The following SLC44A5 variants were observed in gnomAD, a reference collection of about 807,000 sequenced individuals.
SLC44A5 encodes choline transporter-like protein 5.
A neutral mutation model predicts 101.8 loss-of-function variants in SLC44A5; 57 were observed. That is an observed-to-expected ratio of 0.56 (90% CI 0.45 to 0.70). SLC44A5 has a LOEUF of 0.70. Ranked by LOEUF, SLC44A5 falls within the 30% of genes least tolerant of loss-of-function variation. SLC44A5 has a pLI of 0.00. For synonymous variants in SLC44A5, 281 were observed against 290.9 expected, an observed-to-expected ratio of 0.97 and a Z score of 0.35; for missense variants, 737 against 853.1, an observed-to-expected ratio of 0.86 and a Z score of 1.70.
intron 10 of SLC44A5, 94 bp downstream of exon 10, chr1:75,238,416 GATT>G (rs1178358249): frequency 3.0e-6 from 1 of 331,082 alleles, no homozygotes; most frequent in Non-Finnish European, 4.8e-6. Context: ...ATATATATGT[GATT>G]ATTTTCCTAT....
At chr1:75,712,039 A>T in the SLC44A5 span, among the ~76,000 whole-genome samples, 2 of 152,300 alleles carry the variant, frequency 1.3e-5, no homozygotes, top group Admixed American at 6.5e-5. Context: ...GGCATTTACT[A>T]AGCACAGTGT....
intron 4 of SLC44A5, among the ~76,000 whole-genome samples, chr1:75,337,960 C>A (rs1657574377): frequency 6.6e-6 from 1 of 152,198 alleles, no homozygotes; most frequent in South Asian, 2.1e-4. Context: ...CTGCTAAAGG[C>A]AATGTGGAGA....
intron 4 of SLC44A5, among the ~76,000 whole-genome samples, chr1:75,335,966 T>C (rs1017388374): frequency 3.3e-5 from 5 of 152,138 alleles, no homozygotes; most frequent in African/African-American, 7.2e-5. Flanking sequence ...TTGTGCTTGC[T>C]CTTTAGCTTT....
intron 3 of SLC44A5, among the ~76,000 whole-genome samples, chr1:75,342,803 T>G (rs1324226414): frequency 6.6e-6 from 1 of 152,202 alleles, no homozygotes; most frequent in African/African-American, 2.4e-5. Flanking sequence ...TTGTCGAATC[T>G]GCCTGAAAAG....
chr1:75,694,893 G>C, the SLC44A5 span, among the ~76,000 whole-genome samples: 1 of 152,156 alleles, frequency 6.6e-6, no homozygotes, highest in Non-Finnish European at 1.5e-5. Flanking sequence ...TTGGTTAAAA[G>C]CGAAGTTGGT....
At chr1:75,206,340 A>C in intron 23 of SLC44A5, 1 of 324,214 alleles carries the variant, frequency 3.1e-6, no homozygotes, top group Non-Finnish European at 5.6e-6. Context: ...CAGCACGCTG[A>C]GTTATAAAAG....
chr1:75,447,415 G>C (rs1425954749), intron 2 of SLC44A5, among the ~76,000 whole-genome samples: 1 of 151,938 alleles, frequency 6.6e-6, no homozygotes, highest in Non-Finnish European at 1.5e-5. Context: ...CTAATACTTT[G>C]TTAATAATTA....
the SLC44A5 span, among the ~76,000 whole-genome samples, chr1:75,705,746 C>T: frequency 9.2e-5 from 14 of 152,232 alleles, no homozygotes; most frequent in Admixed American, 9.2e-4. Context: ...GGTGCAATCT[C>T]GGCTCACAGC....
the SLC44A5 span, among the ~76,000 whole-genome samples, chr1:75,663,618 C>T: frequency 6.6e-6 from 1 of 152,004 alleles, no homozygotes; most frequent in South Asian, 2.1e-4. Flanking sequence ...CTGAACAAAC[C>T]AATATCAAGT....
chr1:75,290,671 G>C lies in SLC44A5; in HGVS notation c.175+9941C>G, dbSNP rs80304944. 1.9e-3 allele frequency among the ~76,000 whole-genome samples: 283 copies of C among 152,220 alleles called. 1 individual carries two copies. Among genetic ancestry groups the C allele is most frequent in the African/African-American group, 6.3e-3 (263 of 41,534 alleles). The stretch of plus-strand genomic sequence containing the variant: ...CAAAATTGGAAGCCAGAGGACAAGA[G>C]AGCCACTTGCTGTAACCCATAAATG... On this transcript the variant is annotated intron_variant, in intron 5 of 23. Coordinates refer to ENST00000370859, the MANE Select transcript of SLC44A5 (RefSeq NM_001130058.2).
At position 75,385,761 on chromosome 1, in the gene SLC44A5, A is replaced by G. The variant is rs547797311; in HGVS notation, c.52+10822T>C. 5.3e-5 allele frequency among the ~76,000 whole-genome samples: 8 copies of G among 152,262 alleles called. No individual in the cohort carries two copies. In the South Asian group the frequency reaches 1.0e-3, roughly 20 times the overall value. ...CCGGGCAGAGACACCACCAAAAAAG[A>G]GAATTTTAGACCAATATCCTTGATG... On this transcript the variant is annotated intron_variant, in intron 3 of 23. Transcript: ENST00000370859.
intron 1 of SLC44A5, among the ~76,000 whole-genome samples, chr1:75,555,867 A>G (rs953926274): frequency 2.0e-5 from 3 of 152,192 alleles, no homozygotes; most frequent in African/African-American, 7.2e-5. Flanking sequence ...GTAGAATGTT[A>G]TCCAGCAATT....
At chr1:75,329,728 C>T (rs1244927859) in intron 4 of SLC44A5, among the ~76,000 whole-genome samples, 5 of 152,148 alleles carry the variant, frequency 3.3e-5, no homozygotes, top group Non-Finnish European at 7.3e-5. Flanking sequence ...ATATTTTACA[C>T]ATATGCCGAG....
the SLC44A5 span, among the ~76,000 whole-genome samples, chr1:75,669,739 A>G: frequency 6.6e-6 from 1 of 152,160 alleles, no homozygotes; most frequent in African/African-American, 2.4e-5. Context: ...CCAGACACAT[A>G]CAAACCCATG....
intron 5 of SLC44A5, among the ~76,000 whole-genome samples, chr1:75,293,091 A>G (rs1210550749): frequency 6.6e-6 from 1 of 152,246 alleles, no homozygotes; most frequent in Non-Finnish European, 1.5e-5. Context: ...GAAAGAGAAG[A>G]GAGAAGAGAA....
intron 6 of SLC44A5, among the ~76,000 whole-genome samples, chr1:75,263,700 G>C (rs928071485): frequency 1.3e-5 from 2 of 152,042 alleles, no homozygotes; most frequent in Non-Finnish European, 2.9e-5. Flanking sequence ...TTGCAGCACT[G>C]TTCACAGTAA....
At chr1:75,661,010 A>G in the SLC44A5 span, among the ~76,000 whole-genome samples, 2 of 152,136 alleles carry the variant, frequency 1.3e-5, no homozygotes, top group South Asian at 2.1e-4. Flanking sequence ...ATGGAATCAC[A>G]AAAGATCCTG....
At chr1:75,512,819 G>A (rs938145075) in intron 2 of SLC44A5, among the ~76,000 whole-genome samples, 1 of 152,116 alleles carries the variant, frequency 6.6e-6, no homozygotes, top group Non-Finnish European at 1.5e-5. Flanking sequence ...AATAGCTATG[G>A]AATCATATCC....
chr1:75,229,038 T>C (rs1647326802), intron 12 of SLC44A5, among the ~76,000 whole-genome samples: 2 of 151,958 alleles, frequency 1.3e-5, no homozygotes, highest in Admixed American at 1.3e-4. Flanking sequence ...CTTTTTTTTA[T>C]TTTTTATTTT....
Sources: allele counts gnomAD v4.1 joint callset (sites outside exome capture counted in the v4.1 genomes callset), GRCh38; gene constraint gnomAD v4.1.1; transcripts MANE v1.5; gene names NCBI Gene and HGNC (gene_info 2026-07-23, HGNC 2026-07-21).